Variants in ITGA1 observed in about 807,000 individuals in gnomAD.
ITGA1 encodes integrin subunit alpha 1, also known as integrin alpha-1.
Under a neutral mutation model 145.9 loss-of-function variants are expected in ITGA1, and 85 were observed. That is an observed-to-expected ratio of 0.58 (90% CI 0.49 to 0.70). ITGA1 has a LOEUF of 0.70. ITGA1 is among the 30% of genes least tolerant of loss of function. The pLI, the probability that ITGA1 is intolerant of heterozygous loss-of-function variation, is 0.00. For synonymous variants in ITGA1, 520 were observed against 495.3 expected, an observed-to-expected ratio of 1.05 and a Z score of -0.66; for missense variants, 1,351 against 1,418.7, an observed-to-expected ratio of 0.95 and a Z score of 0.77.
rs992166266 is a variant in ITGA1 at position 52,918,642 on chromosome 5, C to G, written c.1989-90C>G. The stretch of plus-strand genomic sequence containing the variant: ...CGCTGTATTATACATGAAGCAGAAC[C>G]CTCTTCCATGCACTCACTTTGCACT... On this transcript the variant is annotated intron_variant, in intron 15 of 28. Transcript: ENST00000282588. The G allele has an allele frequency of 4.4e-5, 56 of 1,264,016 alleles. No individual in the cohort carries two copies. The South Asian group carries it at 8.4e-4, about 19-fold the overall frequency. 78.3% of individuals were successfully genotyped at this position (1,264,016 alleles called of 1,614,324 possible).
intron 1 of ITGA1, chr5:52,800,164 C>A: frequency 1.8e-6 from 1 of 566,920 alleles, no homozygotes; most frequent in Non-Finnish European, 3.2e-6. Flanking sequence ...CTGCAGTGTT[C>A]CCCGAGCCTG....
rs757756437 is a variant in ITGA1 at position 52,887,950 on chromosome 5, A to G, written c.909A>G (p.Gln303=). The change falls in exon 8 of 29, where the codon CAA becomes CAG. Residue 303 remains glutamine, a synonymous_variant. Coordinates refer to ENST00000282588, the MANE Select transcript of ITGA1 (RefSeq NM_181501.2). The part of the protein sequence containing the change: ...VIQDCEDENI[Q]RFSIAILGSY... ...AAGACTGTGAAGATGAAAACATTCAACGGTTTTCCATAGCTGTAAGTGTGT... is the reference window on the plus strand; with the variant it reads ...AAGACTGTGAAGATGAAAACATTCAGCGGTTTTCCATAGCTGTAAGTGTGT... 5 of 1,613,400 alleles carry G rather than the reference A, an allele frequency of 3.1e-6. No individual in the cohort carries two copies. Among genetic ancestry groups the G allele is most frequent in the African/African-American group, 2.7e-5 (2 of 74,934 alleles).
chr5:52,848,292 T>C (rs1027649417), intron 1 of ITGA1, among the ~76,000 whole-genome samples: 2 of 152,198 alleles, frequency 1.3e-5, no homozygotes, highest in Non-Finnish European at 2.9e-5. Context: ...CATCTATTTT[T>C]ATAAAGCTTT....
At chr5:52,849,197 A>G (rs1373393658) in intron 1 of ITGA1, among the ~76,000 whole-genome samples, 168 bp from the exon 2 acceptor site, 3 of 152,210 alleles carry the variant, frequency 2.0e-5, no homozygotes, top group Non-Finnish European at 4.4e-5. Flanking sequence ...GTTTACAGTT[A>G]GTAATACAGT....
At chr5:52,937,945 TTCTC>T (rs200980625) in intron 24 of ITGA1, among the ~76,000 whole-genome samples, 9 of 150,766 alleles carry the variant, frequency 6.0e-5, no homozygotes, top group Admixed American at 4.6e-4. Context: ...TGTGTTCTCC[TTCTC>T]TCTTTGTGTT....
intron 1 of ITGA1, among the ~76,000 whole-genome samples, chr5:52,792,425 G>C (rs1250599478): frequency 3.9e-5 from 6 of 152,150 alleles, no homozygotes; most frequent in African/African-American, 1.4e-4. Flanking sequence ...ATTTTTGTTT[G>C]TTTAGTAAAC....
intron 19 of ITGA1, among the ~76,000 whole-genome samples, chr5:52,926,245 CATG>C (rs1376171721): frequency 6.6e-6 from 1 of 152,148 alleles, no homozygotes; most frequent in Admixed American, 6.6e-5. Flanking sequence ...CACTTAGAGA[CATG>C]ATGACTAAGA....
At chr5:52,826,853 C>T (rs1055258286) in intron 1 of ITGA1, among the ~76,000 whole-genome samples, 1 of 152,196 alleles carries the variant, frequency 6.6e-6, no homozygotes, top group African/African-American at 2.4e-5. Flanking sequence ...TATACCCAGT[C>T]ACCCAAGAGC....
intron 1 of ITGA1, among the ~76,000 whole-genome samples, chr5:52,794,663 CAAAT>C (rs907070233): frequency 2.0e-5 from 3 of 149,562 alleles, no homozygotes; most frequent in African/African-American, 4.9e-5. Context: ...AAAAAAAAAA[CAAAT>C]AAAACAAACA....
At chr5:52,918,419 G>A (rs568665044) in intron 15 of ITGA1, among the ~76,000 whole-genome samples, 6 of 152,144 alleles carry the variant, frequency 3.9e-5, no homozygotes, top group Admixed American at 1.3e-4. Flanking sequence ...GAACAAACTC[G>A]TAAATCCCCA....
chr5:52,882,368 A>G (rs1749974321), intron 7 of ITGA1, among the ~76,000 whole-genome samples: 1 of 152,082 alleles, frequency 6.6e-6, no homozygotes, highest in Admixed American at 6.6e-5. Flanking sequence ...AATCTAAAAG[A>G]ACGGATTAAA....
chr5:52,911,574 CTA>C (rs199760720), intron 14 of ITGA1, among the ~76,000 whole-genome samples: 3,256 of 33,248 alleles, frequency 0.098, 415 homozygotes, highest in Middle Eastern at 0.2. Context: ...ACTATATATA[CTA>C]TATATATAGT....
In ITGA1 at chr5:52,954,116, G is replaced by C. The variant is rs2111565899; in HGVS notation, c.*1665G>C. ...AAGAATACCTCTTTCTAGAGGTTTG[G>C]TGTCCTCTTGCTGGCCTGTCATTAT... On this transcript the variant is annotated 3_prime_UTR_variant, in exon 29 of 29. Transcript: ENST00000282588. 6.6e-6 allele frequency: 1 copy of C among 152,246 alleles called. No individual in the cohort carries two copies. Among genetic ancestry groups the C allele is most frequent in the Admixed American group, 6.5e-5 (1 of 15,294 alleles). 9.4% of individuals were successfully genotyped at this position (152,246 alleles called of 1,614,324 possible).
chr5:52,800,968 G>T (rs951778516), intron 1 of ITGA1: 1 of 1,614,188 alleles, frequency 6.2e-7, no homozygotes, highest in African/African-American at 1.3e-5. Flanking sequence ...GGTGGTCCAG[G>T]CTATCCAGCG....
chr5:52,848,347 G>A (rs1749370624), intron 1 of ITGA1, among the ~76,000 whole-genome samples: 1 of 152,156 alleles, frequency 6.6e-6, no homozygotes, highest in African/African-American at 2.4e-5. Context: ...GGGAAAATGA[G>A]CTGTTCAGAG....
rs1283937734 is a variant in ITGA1, at chr5:52,933,953, A to T, written c.2921A>T (p.Asn974Ile). Residue 974 changes from asparagine (N) to isoleucine (I), a missense_variant, in exon 23 of 29, where the codon AAT (asparagine) becomes ATT (isoleucine). Asn to Ile is a moderately radical substitution (Grantham distance 149). Coordinates refer to ENST00000282588, the MANE Select transcript of ITGA1 (RefSeq NM_181501.2). Reference sequence around the variant, plus strand: ...AATGAGACAGTCCCTGAAGTTATTAATTCTACTGAGGACATTGGAAATGAA... The same window carrying T: ...AATGAGACAGTCCCTGAAGTTATTATTTCTACTGAGGACATTGGAAATGAA... ...AANETVPEVI[N>I]STEDIGNEIN... 3 of 1,531,026 alleles carry T rather than the reference A, an allele frequency of 2.0e-6. No individual in the cohort carries two copies. Among genetic ancestry groups the T allele is most frequent in the Non-Finnish European group, 2.6e-6 (3 of 1,132,284 alleles). The allele number at this position is 1,531,026 out of a possible 1,614,324, so 94.8% of individuals were successfully genotyped here.
Position 52,918,759 on chromosome 5 carries a change from G to T in ITGA1, c.2016G>T (p.Val672=). 1.2e-6 allele frequency: 2 copies of T among 1,611,480 alleles called. No homozygotes were observed. The highest frequency in any genetic ancestry group is 2.2e-5 in the South Asian group (2 of 90,246). The change falls in exon 16 of 29, where the codon GTG becomes GTT. Residue 672 remains valine, a synonymous_variant. Transcript: ENST00000282588. ...CCCGAGATGTGGCCGTAGTTAAAGT[G>T]ACCATGAATTTTGAGCCAAATAAAG... ...FWSRDVAVVK[V]TMNFEPNKVN... is the part of the protein sequence containing the mutation.
At chr5:52,828,353 C>T (rs577612956) in intron 1 of ITGA1, among the ~76,000 whole-genome samples, 13 of 152,236 alleles carry the variant, frequency 8.5e-5, no homozygotes, top group South Asian at 6.2e-4. Context: ...GGCCATTCTA[C>T]TGGCTGTGAA....
At chr5:52,934,468 T>C (rs1381157303) in intron 23 of ITGA1, among the ~76,000 whole-genome samples, 2 of 151,928 alleles carry the variant, frequency 1.3e-5, no homozygotes, top group Non-Finnish European at 2.9e-5. Flanking sequence ...AACAAATAAG[T>C]ATGTATCACA....
Sources: gnomAD v4.1 joint callset for allele counts (sites outside exome capture counted in the v4.1 genomes callset) on GRCh38, gnomAD v4.1.1 for gene constraint, MANE v1.5 for transcripts, NCBI Gene and HGNC (gene_info 2026-07-23, HGNC 2026-07-21) for gene names.